Variants in MPC1 observed in about 807,000 individuals in gnomAD.
The protein encoded by MPC1 is HSPC040 protein.
A neutral mutation model predicts 13.9 loss-of-function variants in MPC1; 6 were observed. The observed-to-expected ratio is 0.43, with a 90% CI of 0.24 to 0.85. MPC1 has a LOEUF of 0.85. Among genes scored for constraint, MPC1 ranks in the 40% least tolerant of loss-of-function variants. The pLI is 0.24. For missense variants in MPC1, 115 were observed against 143.3 expected (o/e 0.80, Z 1.01); for synonymous variants, 47 against 50.5 (o/e 0.93, Z 0.29).
At chr6:166,381,761 C>G (rs1230391732) in intron 1 of MPC1, 17 of 962,768 alleles carry the variant, frequency 1.8e-5, no homozygotes, top group South Asian at 9.6e-5. Flanking sequence ...GAAAATAGAA[C>G]AAGAAGAAAA....
chr6:166,370,224 A>G lies in MPC1; in HGVS notation c.72-3T>C, dbSNP rs1779326307. The G allele has an allele frequency of 1.3e-6, 1 of 778,084 alleles. No individual in the cohort carries two copies. The highest frequency in any genetic ancestry group is 1.3e-5 in the South Asian group (1 of 74,336). 48.2% of individuals were successfully genotyped at this position (778,084 alleles called of 1,614,324 possible). A position where few individuals can be genotyped will look rare whatever the true frequency, so the allele number is the denominator to read the frequency against. ...ATGGAAATAATTTTCTTACCGTACTATTTTGTGAAGAGTCACCGAAGTTCA... is the reference window on the plus strand; with the variant it reads ...ATGGAAATAATTTTCTTACCGTACTGTTTTGTGAAGAGTCACCGAAGTTCA... On this transcript the variant is annotated splice_region_variant and splice_polypyrimidine_tract_variant and intron_variant, in intron 1 of 4. Coordinates refer to ENST00000360961, the MANE Select transcript of MPC1 (RefSeq NM_016098.4).
chr6:166,380,512 G>C (rs1044676396), intron 1 of MPC1, among the ~76,000 whole-genome samples: 2 of 152,194 alleles, frequency 1.3e-5, no homozygotes, highest in Non-Finnish European at 2.9e-5. Context: ...AGAAAAAAAG[G>C]TTAGATGATA....
intron 1 of MPC1, among the ~76,000 whole-genome samples, chr6:166,379,001 A>G (rs1779669691): frequency 6.6e-6 from 1 of 152,184 alleles, no homozygotes; most frequent in Non-Finnish European, 1.5e-5. Flanking sequence ...ATCACAATTA[A>G]CAATTGTCAA....
chr6:166,370,218 C>T lies in MPC1; in HGVS notation c.75G>A (p.Thr25=), dbSNP rs975925098. ...AAATGGATGGAAATAATTTTCTTAC[C>T]GTACTATTTTGTGAAGAGTCACCGA... is the stretch of plus-strand genomic sequence containing the variant. ...SKDFRDYLMS[T]HFWGPVANWG... Residue 25 remains threonine (T), a splice_region_variant and synonymous_variant, in exon 2 of 5, where the codon ACG becomes ACA. Transcript: ENST00000360961. 6 of 779,270 alleles carry T rather than the reference C, an allele frequency of 7.7e-6. No individual in the cohort carries two copies. Among genetic ancestry groups the T allele is most frequent in the East Asian group, 2.4e-5 (1 of 41,254 alleles). 48.3% of individuals were successfully genotyped at this position (779,270 alleles called of 1,614,324 possible). A position where few individuals can be genotyped will look rare whatever the true frequency, so the allele number is the denominator to read the frequency against.
chr6:166,380,795 C>T (rs919039214), intron 1 of MPC1, among the ~76,000 whole-genome samples: 2 of 151,706 alleles, frequency 1.3e-5, no homozygotes, highest in Non-Finnish European at 2.9e-5. Flanking sequence ...CAAAATTAGC[C>T]TGGCGTGGTG....
intron 1 of MPC1, 26 bp downstream of exon 1, chr6:166,382,780 G>C (rs934978925): frequency 3.2e-6 from 5 of 1,567,032 alleles, no homozygotes; most frequent in South Asian, 1.2e-5. Flanking sequence ...TCCGGGTTGC[G>C]GGGTTCGGCC....
At chr6:166,375,800 G>T (rs868145044) in intron 1 of MPC1, among the ~76,000 whole-genome samples, 1 of 152,180 alleles carries the variant, frequency 6.6e-6, no homozygotes, top group African/African-American at 2.4e-5. Flanking sequence ...CTATTCGCCA[G>T]AATATAATTT....
chr6:166,366,437 C>A (rs923237100), intron 3 of MPC1, among the ~76,000 whole-genome samples: 2 of 152,004 alleles, frequency 1.3e-5, no homozygotes, highest in Admixed American at 6.6e-5. Flanking sequence ...TTATTTATTC[C>A]CTCCACAATA....
intron 1 of MPC1, among the ~76,000 whole-genome samples, chr6:166,380,799 C>G (rs1326159348): frequency 6.6e-6 from 1 of 151,468 alleles, no homozygotes; most frequent in African/African-American, 2.4e-5. Flanking sequence ...ATTAGCCTGG[C>G]GTGGTGGTGC....
chr6:166,370,165 G>T, intron 2 of MPC1, 53 bp downstream of exon 2: 1 of 780,966 alleles, frequency 1.3e-6, no homozygotes, highest in Non-Finnish European at 2.4e-6. Flanking sequence ...CCCTAACTCT[G>T]TTAATGCAGA....
intron 1 of MPC1, chr6:166,381,855 GCTTAAAGTC>G: frequency 9.2e-6 from 9 of 978,582 alleles, no homozygotes; most frequent in Non-Finnish European, 1.1e-5. Context: ...TTCCTCCCAA[GCTTAAAGTC>G]CTTAGAATGA....
At position 166,365,328 on chromosome 6, in the gene MPC1, T is replaced by A. The variant is rs1779109292; in HGVS notation, c.*101A>T. 1.1e-6 allele frequency: 1 copy of A among 950,786 alleles called. No homozygotes were observed. Among genetic ancestry groups the A allele is most frequent in the South Asian group, 2.6e-5 (1 of 37,960 alleles). 58.9% of individuals were successfully genotyped at this position (950,786 alleles called of 1,614,324 possible). A position where few individuals can be genotyped will look rare whatever the true frequency, so the allele number is the denominator to read the frequency against. ...ATAGAATGGTTAGTAAAAATAGCAT[T>A]CAGTGTATTTTCCTTAGGGAGGCTA... is the stretch of plus-strand genomic sequence containing the variant. On this transcript the variant is annotated 3_prime_UTR_variant, in exon 5 of 5. Transcript: ENST00000360961. This position sits in a 1 kb window ranked among gnomAD's most constrained non-coding sequence, Gnocchi z 4.2.
chr6:166,377,569 CATAGT>C (rs1198074914), intron 1 of MPC1, among the ~76,000 whole-genome samples: 1 of 152,142 alleles, frequency 6.6e-6, no homozygotes, highest in Non-Finnish European at 1.5e-5. Flanking sequence ...GACAGCCTAG[CATAGT>C]ATATTTCTAA....
intron 1 of MPC1, among the ~76,000 whole-genome samples, chr6:166,375,450 C>CTT (rs34879281): frequency 1.1e-4 from 14 of 127,236 alleles, no homozygotes; most frequent in African/African-American, 3.4e-4. Context: ...TTCTAATTTG[C>CTT]TTTTTTTTTT....
rs556434674 is a variant in MPC1 at position 166,369,692 on chromosome 6, G to A, written c.75+526C>T. 3.3e-5 allele frequency among the ~76,000 whole-genome samples: 5 copies of A among 152,178 alleles called. No individual in the cohort carries two copies. In the South Asian group the frequency reaches 1.0e-3, roughly 32 times the overall value. The stretch of plus-strand genomic sequence containing the variant: ...ATTGATTTATGCTGTCAGATATTCA[G>A]CAGTCAATTTTGAGAAAAATAAGGA... On this transcript the variant is annotated intron_variant, in intron 2 of 4. Coordinates refer to ENST00000360961, the MANE Select transcript of MPC1 (RefSeq NM_016098.4).
intron 1 of MPC1, among the ~76,000 whole-genome samples, chr6:166,375,940 A>C (rs1364360290): frequency 1.3e-5 from 2 of 151,964 alleles, no homozygotes; most frequent in African/African-American, 2.4e-5. Context: ...GTCCGTACTG[A>C]TTTTCTACCT....
intron 1 of MPC1, chr6:166,381,792 T>C (rs1779793403): frequency 3.1e-6 from 3 of 981,740 alleles, no homozygotes; most frequent in Admixed American, 6.1e-5. Flanking sequence ...TAGAGACACG[T>C]CACTTTACTT....
intron 1 of MPC1, 124 bp downstream of exon 1, chr6:166,382,682 G>T: frequency 4.0e-6 from 4 of 1,003,336 alleles, no homozygotes; most frequent in Non-Finnish European, 5.5e-6. Context: ...TCTCGCCTGG[G>T]CCCCGGCCCA....
At chr6:166,375,367 GA>G (rs948741200) in intron 1 of MPC1, among the ~76,000 whole-genome samples, 57 of 151,778 alleles carry the variant, frequency 3.8e-4, no homozygotes, top group African/African-American at 1.3e-3. Flanking sequence ...ACAAGTAACC[GA>G]AACTGCAGAA....
Sources: allele counts gnomAD v4.1 joint callset (sites outside exome capture counted in the v4.1 genomes callset), GRCh38; gene constraint gnomAD v4.1.1; non-coding constraint Gnocchi (gnomAD v3.1); transcripts MANE v1.5; gene names NCBI Gene and HGNC (gene_info 2026-07-23, HGNC 2026-07-21).